The following ZNF385B variants were observed in gnomAD, a reference collection of about 807,000 sequenced individuals.
ZNF385B encodes the protein zinc finger protein 385B, also known as zinc finger protein 533.
In ZNF385B, 23 loss-of-function variants were observed where a neutral mutation model predicts 39.2. The observed-to-expected ratio is 0.59, with a 90% CI of 0.42 to 0.83. The LOEUF is 0.83. Ranked by LOEUF, ZNF385B falls within the 40% of genes least tolerant of loss-of-function variation. The pLI, the probability that ZNF385B is intolerant of heterozygous loss-of-function variation, is 0.00. For missense variants in ZNF385B, 552 were observed against 598.9 expected (o/e 0.92, Z 0.82); for synonymous variants, 205 against 222.6 (o/e 0.92, Z 0.70).
chr2:179,659,101 C>A (rs1043102561), intron 3 of ZNF385B, among the ~76,000 whole-genome samples: 4 of 152,156 alleles, frequency 2.6e-5, no homozygotes, highest in Non-Finnish European at 5.9e-5. Flanking sequence ...CTTTATACCT[C>A]CAAAATAAAG....
chr2:179,635,210 A>C (rs772636231), intron 3 of ZNF385B, among the ~76,000 whole-genome samples: 1 of 152,046 alleles, frequency 6.6e-6, no homozygotes, highest in South Asian at 2.1e-4. Context: ...AGCCATAAAA[A>C]AGTACGAGTT....
At chr2:179,658,233 C>A (rs895390758) in intron 3 of ZNF385B, among the ~76,000 whole-genome samples, 1 of 152,188 alleles carries the variant, frequency 6.6e-6, no homozygotes, top group Non-Finnish European at 1.5e-5. Context: ...TTCACACAAG[C>A]GTAGGTGCTC....
rs183168626 is a variant in ZNF385B at position 179,553,282 on chromosome 2, G to T, written c.299-8313C>A. On this transcript the variant is annotated intron_variant, in intron 3 of 9. Coordinates refer to ENST00000410066, the MANE Select transcript of ZNF385B (RefSeq NM_152520.6). ...TACTTAAATAACCAAGATATATAATGAATATATTTATCTAAAAAGAATCTT... is the reference window on the plus strand; with the variant it reads ...TACTTAAATAACCAAGATATATAATTAATATATTTATCTAAAAAGAATCTT... Among the ~76,000 whole-genome samples, 136 of 148,820 alleles carry T rather than the reference G, an allele frequency of 9.1e-4. 8 individuals are homozygous for T. The highest frequency in any genetic ancestry group is 1.8e-3 in the Non-Finnish European group (121 of 67,402).
intron 3 of ZNF385B, among the ~76,000 whole-genome samples, chr2:179,599,240 T>C (rs961475827): frequency 1.3e-5 from 2 of 152,214 alleles, no homozygotes; most frequent in African/African-American, 4.8e-5. Flanking sequence ...CCTTTGAGTT[T>C]CATGATCAGA....
rs190844179 is a variant in ZNF385B, at chr2:179,630,698, A to G, written c.299-85729T>C. Among the ~76,000 whole-genome samples the G allele has an allele frequency of 1.7e-3, 258 of 152,340 alleles. 2 individuals carry two copies. The highest frequency in any genetic ancestry group is 1.2e-3 in the Non-Finnish European group (79 of 68,028). On this transcript the variant is annotated intron_variant, in intron 3 of 9. Transcript: ENST00000410066. Reference sequence around the variant, plus strand: ...TCATGAACTGACGGAAGTAGGCTTCAGAAGGTCGGTCATAAACTTCTCCGA... The same window carrying G: ...TCATGAACTGACGGAAGTAGGCTTCGGAAGGTCGGTCATAAACTTCTCCGA...
intron 5 of ZNF385B, chr2:179,514,050 T>C (rs2057898631): frequency 6.6e-6 from 1 of 152,252 alleles, no homozygotes; most frequent in African/African-American, 2.4e-5. Context: ...CACAAATTTT[T>C]ATAAACTTAG....
intron 3 of ZNF385B, among the ~76,000 whole-genome samples, chr2:179,673,186 A>G (rs939330408): frequency 1.3e-5 from 2 of 152,176 alleles, no homozygotes; most frequent in African/African-American, 4.8e-5. Context: ...GCGAAGTAAC[A>G]TATATGTTCC....
At position 179,595,125 on chromosome 2, in the gene ZNF385B, GA is replaced by G. The variant is rs980628011; in HGVS notation, c.299-50157del. Reference sequence around the variant, plus strand: ...AATCACCCAATAGGAAATTTATAGTGAAAAAAATGAAAACTATCACTTAAAA... The same window carrying G: ...AATCACCCAATAGGAAATTTATAGTGAAAAAATGAAAACTATCACTTAAAA... On this transcript the variant is annotated intron_variant, in intron 3 of 9. Coordinates refer to ENST00000410066, the MANE Select transcript of ZNF385B (RefSeq NM_152520.6). Among the ~76,000 whole-genome samples the G allele has an allele frequency of 3.9e-4, 60 of 151,944 alleles. 3 individuals carry two copies. The East Asian group carries it at 0.011, about 27-fold the overall frequency.
intron 4 of ZNF385B, among the ~76,000 whole-genome samples, chr2:179,526,333 T>C (rs2058896155): frequency 6.6e-6 from 1 of 152,008 alleles, no homozygotes; most frequent in East Asian, 1.9e-4. Flanking sequence ...CTCACGCCTA[T>C]AATCCCAGCA....
chr2:179,562,221 G>A (rs1030009260), intron 3 of ZNF385B, among the ~76,000 whole-genome samples: 3 of 152,068 alleles, frequency 2.0e-5, no homozygotes, highest in Non-Finnish European at 2.9e-5. Context: ...ATACAAACAG[G>A]CTAGGAAAGT....
intron 3 of ZNF385B, among the ~76,000 whole-genome samples, chr2:179,729,329 A>T (rs1701231688): frequency 6.6e-6 from 1 of 152,210 alleles, no homozygotes; most frequent in Non-Finnish European, 1.5e-5. Flanking sequence ...AATTTGAGAC[A>T]GCTGGAGGTG....
chr2:179,722,234 G>A (rs1424908677), intron 3 of ZNF385B, among the ~76,000 whole-genome samples: 1 of 152,070 alleles, frequency 6.6e-6, no homozygotes, highest in Non-Finnish European at 1.5e-5. Context: ...AGTAAACCAT[G>A]CACTTAGATA....
rs939282903 is a variant in ZNF385B, at chr2:179,545,049, T to C, written c.299-80A>G. 14 of 1,576,428 alleles carry C rather than the reference T, an allele frequency of 8.9e-6. 1 individual carries two copies. Among genetic ancestry groups the C allele is most frequent in the Non-Finnish European group, 8.7e-6 (10 of 1,150,024 alleles). ...CCCAAACCTACAGTGCAAGAACAAG[T>C]CTGTTGAGCTGCAACTTGCAAGCAA... is the stretch of plus-strand genomic sequence containing the variant. On this transcript the variant is annotated intron_variant, in intron 3 of 9. Transcript: ENST00000410066.
At chr2:179,483,457 C>T (rs770109151) in intron 5 of ZNF385B, 23 bp from the exon 6 acceptor site, 2 of 1,612,928 alleles carry the variant, frequency 1.2e-6, no homozygotes, top group Non-Finnish European at 1.7e-6. Flanking sequence ...ACAAATCAGG[C>T]TCATTTTTTT....
Position 179,670,245 on chromosome 2 carries a change from T to C in ZNF385B, c.298+99258A>G, listed in dbSNP as rs148027138. ...AGGCGGAGCTTGCAGTGGGCCGAGA[T>C]TGCGCCACTGCACTCTCGCCTGGGC... On this transcript the variant is annotated intron_variant, in intron 3 of 9. Coordinates refer to ENST00000410066, the MANE Select transcript of ZNF385B (RefSeq NM_152520.6). Among the ~76,000 whole-genome samples the C allele has an allele frequency of 8.2e-4, 123 of 149,426 alleles. 1 individual carries two copies. In the East Asian group the frequency reaches 0.02, roughly 25 times the overall value.
intron 1 of ZNF385B, among the ~76,000 whole-genome samples, chr2:179,808,194 G>A (rs1420253331): frequency 2.0e-5 from 3 of 152,006 alleles, no homozygotes; most frequent in South Asian, 2.1e-4. Context: ...CGCCACGCCT[G>A]GCTAATTTTT....
At chr2:179,521,027 T>G (rs995832470) in intron 4 of ZNF385B, among the ~76,000 whole-genome samples, 25 of 152,232 alleles carry the variant, frequency 1.6e-4, no homozygotes, top group Admixed American at 9.8e-4. Context: ...AAAGATACAT[T>G]TACGAATATC....
Position 179,446,590 on chromosome 2 carries a change from A to G in ZNF385B, c.896T>C (p.Leu299Ser). Residue 299 changes from leucine (L) to serine (S), a missense_variant, in exon 7 of 10, where the codon TTA becomes TCA. Coordinates refer to ENST00000410066, the MANE Select transcript of ZNF385B (RefSeq NM_152520.6). ...VESEEEKAKKLLYCSLCKVAV... is the reference protein window; with the variant it reads ...VESEEEKAKKSLYCSLCKVAV... ...CACTTTGCATAGTGAACAATAAAGT[A>G]ATTTTTTGGCTTTTTCTTCTTCTGA... The G allele has an allele frequency of 6.2e-7, 1 of 1,614,152 alleles. No individual in the cohort carries two copies. The highest frequency in any genetic ancestry group is 8.5e-7 in the Non-Finnish European group (1 of 1,180,016).
intron 1 of ZNF385B, among the ~76,000 whole-genome samples, chr2:179,808,187 C>T (rs948377487): frequency 1.3e-5 from 2 of 151,962 alleles, no homozygotes; most frequent in Admixed American, 6.5e-5. Flanking sequence ...CGCACGCCGC[C>T]ACGCCTGGCT....
Sources: gnomAD v4.1 joint callset for allele counts (sites outside exome capture counted in the v4.1 genomes callset) on GRCh38, gnomAD v4.1.1 for gene constraint, MANE v1.5 for transcripts, NCBI Gene and HGNC (gene_info 2026-07-23, HGNC 2026-07-21) for gene names.